TGFBR3: variants seen among roughly 807,000 people sequenced by gnomAD.
TGFBR3 encodes transforming growth factor beta receptor type 3.
A neutral mutation model predicts 87.9 loss-of-function variants in TGFBR3; 46 were observed. The ratio of observed to expected loss-of-function variants is 0.52; its 90% CI spans 0.41 to 0.67. The LOEUF is 0.67. TGFBR3 is among the 30% of genes least tolerant of loss of function. TGFBR3 has a pLI of 0.00. For missense variants in TGFBR3, 866 were observed against 1,041.9 expected, an observed-to-expected ratio of 0.83 and a Z score of 2.32; for synonymous variants, 381 against 391.6, an observed-to-expected ratio of 0.97 and a Z score of 0.32.
At chr1:91,897,215 T>C (rs1221182180) in intron 2 of TGFBR3, among the ~76,000 whole-genome samples, 1 of 152,194 alleles carries the variant, frequency 6.6e-6, no homozygotes, top group Admixed American at 6.5e-5. Context: ...TTGCAGGTAT[T>C]GTACTGTCAA....
At chr1:91,729,283 C>CAT (rs553757888) in intron 6 of TGFBR3, among the ~76,000 whole-genome samples, 6 of 67,012 alleles carry the variant, frequency 9.0e-5, no homozygotes, top group African/African-American at 2.3e-4. Flanking sequence ...CGTGCATGCG[C>CAT]ATACACACAC....
intron 4 of TGFBR3, among the ~76,000 whole-genome samples, chr1:91,736,686 T>C (rs1672978954): frequency 6.6e-6 from 1 of 152,150 alleles, no homozygotes; most frequent in South Asian, 2.1e-4. Flanking sequence ...GTTTATCTAA[T>C]TTTTTGACTT....
chr1:91,710,930 G>A (rs1226470186), intron 13 of TGFBR3, among the ~76,000 whole-genome samples: 1 of 152,140 alleles, frequency 6.6e-6, no homozygotes, highest in Admixed American at 6.5e-5. Flanking sequence ...CTCTCTTTAC[G>A]ATTAATTTTC....
At chr1:91,859,908 CAAAAA>C (rs544117317) in intron 2 of TGFBR3, among the ~76,000 whole-genome samples, 2 of 85,582 alleles carry the variant, frequency 2.3e-5, no homozygotes, top group African/African-American at 4.4e-5. Context: ...GACTCCATCT[CAAAAA>C]AAAAAAAAAA....
Position 91,716,272 on chromosome 1 carries a change from G to A in TGFBR3, c.1830C>T (p.Val610=), listed in dbSNP as rs751468237. 6.2e-7 allele frequency: 1 copy of A among 1,614,122 alleles called. No homozygotes were observed. The highest frequency in any genetic ancestry group is 1.1e-5 in the South Asian group (1 of 91,084). Residue 610 remains valine, a synonymous_variant, in exon 12 of 17, where the codon GTC becomes GTT. Coordinates refer to ENST00000212355, the MANE Select transcript of TGFBR3 (RefSeq NM_003243.5). ...TDLFLVPSQG[V]FSVPENGHVY... is the part of the protein sequence containing the mutation. ...CGTGTCCATTCTCTGGCACAGAGAA[G>A]ACGCCCTGGGAGGGCACCAAAAAGA... is the stretch of plus-strand genomic sequence containing the variant.
chr1:91,748,807 T>C (rs1473724003), intron 4 of TGFBR3, among the ~76,000 whole-genome samples: 1 of 152,074 alleles, frequency 6.6e-6, no homozygotes, highest in African/African-American at 2.4e-5. Context: ...GAGCCCCCGT[T>C]TACTAGCTAT....
At chr1:91,693,478 C>G (rs1201273942) in intron 16 of TGFBR3, among the ~76,000 whole-genome samples, 1 of 152,172 alleles carries the variant, frequency 6.6e-6, no homozygotes, top group East Asian at 1.9e-4. Flanking sequence ...CTTCCAAATT[C>G]AATGAGGATG....
At chr1:91,789,187 G>C (rs1374671969) in intron 3 of TGFBR3, among the ~76,000 whole-genome samples, 1 of 152,134 alleles carries the variant, frequency 6.6e-6, no homozygotes, top group African/African-American at 2.4e-5. Flanking sequence ...TATGCCTGTA[G>C]TCCCAGCTAC....
At chr1:91,717,421 T>C (rs967803185) in intron 10 of TGFBR3, among the ~76,000 whole-genome samples, 1 of 152,200 alleles carries the variant, frequency 6.6e-6, no homozygotes. Context: ...TCCACCTTTT[T>C]CGCTATCCAC....
chr1:91,754,692 A>C (rs1673676942), intron 4 of TGFBR3, among the ~76,000 whole-genome samples: 1 of 152,204 alleles, frequency 6.6e-6, no homozygotes, highest in South Asian at 2.1e-4. Context: ...CTTTATTACT[A>C]GTATTAAAGT....
chr1:91,850,780 CAAAAAAAAAA>C (rs61025683), intron 2 of TGFBR3, among the ~76,000 whole-genome samples: 3 of 58,432 alleles, frequency 5.1e-5, no homozygotes, highest in African/African-American at 5.4e-5. Flanking sequence ...GACCCTGTCT[CAAAAAAAAAA>C]AAAAAAAAAA....
chr1:91,802,369 C>CT (rs377137367), intron 2 of TGFBR3, among the ~76,000 whole-genome samples: 218 of 145,550 alleles, frequency 1.5e-3, no homozygotes, highest in Middle Eastern at 3.6e-3. Flanking sequence ...TTTTCTTTTT[C>CT]TTTTTTTTTT....
chr1:91,744,250 A>G (rs913718372), intron 4 of TGFBR3, among the ~76,000 whole-genome samples: 1 of 151,592 alleles, frequency 6.6e-6, no homozygotes, highest in Non-Finnish European at 1.5e-5. Flanking sequence ...ATGCCCGGTT[A>G]ATTTTTTGTA....
intron 2 of TGFBR3, among the ~76,000 whole-genome samples, chr1:91,836,835 G>T (rs996476540): frequency 1.3e-5 from 2 of 152,056 alleles, no homozygotes; most frequent in Non-Finnish European, 2.9e-5. Flanking sequence ...CGCTGCATTA[G>T]ATATTTATAT....
chr1:91,691,694 G>C (rs915913336), intron 16 of TGFBR3, among the ~76,000 whole-genome samples: 1 of 152,198 alleles, frequency 6.6e-6, no homozygotes. Flanking sequence ...GAATGGTAGC[G>C]AAGAAGATCA....
chr1:91,791,429 T>C (rs768240361), intron 3 of TGFBR3, among the ~76,000 whole-genome samples: 40 of 151,584 alleles, frequency 2.6e-4, no homozygotes, highest in Non-Finnish European at 3.8e-4. Context: ...TCCTAAACCA[T>C]GAAAGGGAAA....
At chr1:91,710,966 C>G (rs1022806375) in intron 13 of TGFBR3, among the ~76,000 whole-genome samples, 99 of 152,342 alleles carry the variant, frequency 6.5e-4, no homozygotes, top group African/African-American at 2.1e-3. Context: ...TGAAGCTGGG[C>G]TGTTCCAGGC....
chr1:91,716,687 G>A lies in TGFBR3; in HGVS notation c.1588C>T (p.Leu530Phe), dbSNP rs964307491. The change falls in exon 11 of 17, where the codon CTT (leucine) becomes TTT (phenylalanine). Residue 530 changes from leucine to phenylalanine, a missense_variant. Transcript: ENST00000212355. ...TCTGGCCAACCACTACTGTCCCCAA[G>A]GGCTGGAACCTGTATCACAATCTAA... ...YNSIVIQVPA[L>F]GDSSGWPDGY... The A allele has an allele frequency of 6.2e-7, 1 of 1,614,012 alleles. No individual in the cohort carries two copies. The highest frequency in any genetic ancestry group is 1.7e-5 in the Admixed American group (1 of 60,002).
chr1:91,773,711 T>C (rs1459624512), intron 3 of TGFBR3, among the ~76,000 whole-genome samples: 1 of 152,146 alleles, frequency 6.6e-6, no homozygotes, highest in Non-Finnish European at 1.5e-5. Flanking sequence ...GAAATGAATG[T>C]ATCTCAATAA....
Sources: gnomAD v4.1 joint callset for allele counts (sites outside exome capture counted in the v4.1 genomes callset) on GRCh38, gnomAD v4.1.1 for gene constraint, MANE v1.5 for transcripts, NCBI Gene and HGNC (gene_info 2026-07-23, HGNC 2026-07-21) for gene names.